EIF4G3: variants seen among roughly 807,000 people sequenced by gnomAD.
EIF4G3 encodes eukaryotic translation initiation factor 4 gamma 3.
A neutral mutation model predicts 186.4 loss-of-function variants in EIF4G3; 34 were observed. The ratio of observed to expected loss-of-function variants is 0.18; its 90% confidence interval spans 0.14 to 0.24. EIF4G3 has a LOEUF of 0.24. Among genes scored for constraint, EIF4G3 ranks in the 10% least tolerant of loss-of-function variants. The pLI is 1.00. For synonymous variants in EIF4G3, 673 were observed against 679.5 expected (o/e 0.99, Z 0.15); for missense variants, 1,536 against 1,948.5 (o/e 0.79, Z 3.99).
chr1:21,027,003 G>A, intron 4 of EIF4G3, among the ~76,000 whole-genome samples: 1 of 145,340 alleles, frequency 6.9e-6, no homozygotes. Flanking sequence ...TCACAAAAAA[G>A]CAAACAATCA....
At chr1:20,857,168 A>AAAAAAAAAAAAG (rs1317622569) in intron 25 of EIF4G3, among the ~76,000 whole-genome samples, 2 of 150,122 alleles carry the variant, frequency 1.3e-5, no homozygotes, top group Non-Finnish European at 3.0e-5. Context: ...ATCTCAAAAA[A>AAAAAAAAAAAAG]AAAAAAAAAA....
At chr1:20,982,479 G>A in intron 7 of EIF4G3, 71 bp from the exon 8 acceptor site, 3 of 1,202,604 alleles carry the variant, frequency 2.5e-6, no homozygotes, top group Non-Finnish European at 3.4e-6. Flanking sequence ...AGATCAGTTG[G>A]AAGGGACAGG....
At chr1:20,977,334 C>T (rs1364779162) in intron 10 of EIF4G3, among the ~76,000 whole-genome samples, 2 of 151,820 alleles carry the variant, frequency 1.3e-5, no homozygotes, top group East Asian at 3.9e-4. Context: ...TTACAGGCGC[C>T]CGCCACCACA....
intron 14 of EIF4G3, among the ~76,000 whole-genome samples, chr1:20,909,243 G>A (rs1254138357): frequency 1.3e-5 from 2 of 152,120 alleles, no homozygotes; most frequent in Admixed American, 6.5e-5. Context: ...TAAGAGACAG[G>A]GATATAATGC....
intron 3 of EIF4G3, among the ~76,000 whole-genome samples, chr1:21,060,859 T>TA (rs562463899): frequency 9.9e-5 from 15 of 151,734 alleles, no homozygotes; most frequent in Non-Finnish European, 2.1e-4. Context: ...AACACGGTAG[T>TA]AACAAGATAC....
chr1:20,859,245 C>G (rs1301967561), intron 24 of EIF4G3, among the ~76,000 whole-genome samples: 2 of 152,172 alleles, frequency 1.3e-5, no homozygotes, highest in African/African-American at 2.4e-5. Flanking sequence ...ATGAATTAGG[C>G]TTTGGTATCT....
In EIF4G3 at chr1:21,099,216, T is replaced by C. The variant is rs1185832803; in HGVS notation, c.-271-10003A>G. On this transcript the variant is annotated intron_variant, in intron 2 of 36. Transcript: ENST00000602326. Reference sequence around the variant, plus strand: ...TGGAAAGCAGTTTGGCAGTTTCTTATAAAATTAAACATACACTAACCATAT... The same window carrying C: ...TGGAAAGCAGTTTGGCAGTTTCTTACAAAATTAAACATACACTAACCATAT... 3.3e-5 allele frequency among the ~76,000 whole-genome samples: 5 copies of C among 152,160 alleles called. No homozygotes were observed. The East Asian group carries it at 9.6e-4, about 29-fold the overall frequency.
At chr1:21,032,560 A>T (rs1202213269) in intron 4 of EIF4G3, among the ~76,000 whole-genome samples, 1 of 152,054 alleles carries the variant, frequency 6.6e-6, no homozygotes, top group African/African-American at 2.4e-5. Context: ...TGTTTCAGCC[A>T]TTAAAAAAAA....
At chr1:20,987,652 TTGTG>T (rs2079891255) in intron 7 of EIF4G3, among the ~76,000 whole-genome samples, 1 of 152,102 alleles carries the variant, frequency 6.6e-6, no homozygotes, top group African/African-American at 2.4e-5. Context: ...CTTAAGAAAG[TTGTG>T]TGTTCTAACT....
At chr1:21,136,163 C>G (rs2102582607) in intron 2 of EIF4G3, among the ~76,000 whole-genome samples, 1 of 151,368 alleles carries the variant, frequency 6.6e-6, no homozygotes, top group East Asian at 2.0e-4. Flanking sequence ...GCAGTCCGGC[C>G]TGGGCGACAG....
Position 20,962,914 on chromosome 1 carries a change from T to G in EIF4G3, c.714+6560A>C, listed in dbSNP as rs1393679885. 2.7e-5 allele frequency among the ~76,000 whole-genome samples: 4 copies of G among 150,314 alleles called. No individual in the cohort carries two copies. The East Asian group carries it at 5.8e-4, about 22-fold the overall frequency. On this transcript the variant is annotated intron_variant, in intron 12 of 36. Coordinates refer to ENST00000602326, the MANE Select transcript of EIF4G3 (RefSeq NM_001391906.1). ...TATTGCCTCTTGTAGTTTTGTTTTT[T>G]TTTTGTTTTTTTTTTTTTTGAGAGA...
intron 20 of EIF4G3, among the ~76,000 whole-genome samples, chr1:20,873,905 T>G (rs1167551742): frequency 6.6e-6 from 1 of 152,236 alleles, no homozygotes; most frequent in East Asian, 1.9e-4. Flanking sequence ...GTGTTCTCAA[T>G]GTGAAACTAC....
At chr1:21,121,833 T>C (rs975086618) in intron 2 of EIF4G3, among the ~76,000 whole-genome samples, 3 of 151,768 alleles carry the variant, frequency 2.0e-5, no homozygotes, top group African/African-American at 7.3e-5. Context: ...AACCTTCAGG[T>C]TCCTTTACAA....
intron 4 of EIF4G3, among the ~76,000 whole-genome samples, chr1:21,016,925 C>T (rs1292542824): frequency 1.3e-5 from 2 of 151,970 alleles, no homozygotes; most frequent in African/African-American, 2.4e-5. Context: ...GCCGAGATCA[C>T]GCCACTGCAC....
intron 18 of EIF4G3, among the ~76,000 whole-genome samples, chr1:20,889,728 G>A (rs1049614141): frequency 6.6e-5 from 10 of 152,004 alleles, no homozygotes; most frequent in African/African-American, 2.4e-4. Flanking sequence ...CTGGCCTTGC[G>A]ATCCACCTGC....
At chr1:20,883,927 T>C (rs915375939) in intron 19 of EIF4G3, among the ~76,000 whole-genome samples, 5 of 152,044 alleles carry the variant, frequency 3.3e-5, no homozygotes, top group Admixed American at 6.6e-5. Context: ...AGAAATGTTG[T>C]AATAGAGGAG....
intron 3 of EIF4G3, among the ~76,000 whole-genome samples, chr1:21,063,821 T>A (rs2095078520): frequency 1.3e-5 from 2 of 150,654 alleles, no homozygotes. Flanking sequence ...GCAATTCTCC[T>A]GCCTCGGCCT....
intron 20 of EIF4G3, among the ~76,000 whole-genome samples, chr1:20,868,785 A>C (rs1203942421): frequency 1.3e-5 from 2 of 152,144 alleles, no homozygotes; most frequent in African/African-American, 4.8e-5. Context: ...TGTTTTAGGA[A>C]GGCTGCTTGA....
chr1:21,073,462 C>T (rs1164199272), intron 3 of EIF4G3, among the ~76,000 whole-genome samples: 1 of 152,226 alleles, frequency 6.6e-6, no homozygotes, highest in Non-Finnish European at 1.5e-5. Context: ...GAGGCTCCCA[C>T]CTTAAGGCCT....
Sources: gnomAD v4.1 joint callset for allele counts (sites outside exome capture counted in the v4.1 genomes callset) on GRCh38, gnomAD v4.1.1 for gene constraint, MANE v1.5 for transcripts, NCBI Gene and HGNC (gene_info 2026-07-23, HGNC 2026-07-21) for gene names.